Variants in PKD1 observed in about 807,000 individuals in gnomAD.
PKD1 encodes the protein polycystin-1.
PKD1 carries 81 observed loss-of-function variants against 361.7 expected under a neutral mutation model. The ratio of observed to expected loss-of-function variants is 0.22; its 90% CI spans 0.19 to 0.27. The LOEUF is 0.27. Ranked by LOEUF, PKD1 falls within the 10% of genes least tolerant of loss-of-function variation. The pLI, the probability that PKD1 is intolerant of heterozygous loss-of-function variation, is 1.00. For synonymous variants in PKD1, 3,615 were observed against 2,818.3 expected (o/e 1.28, Z -8.95); for missense variants, 6,399 against 6,118.3 (o/e 1.05, Z -1.53).
rs371767717 is a variant in PKD1 at position 2,108,989 on chromosome 16, C to T, written c.6178G>A (p.Ala2060Thr). The change falls in exon 15 of 46, where the codon GCC (alanine) becomes ACC (threonine). Residue 2060 changes from alanine (A) to threonine (T), a missense_variant. Coordinates refer to ENST00000262304, the MANE Select transcript of PKD1 (RefSeq NM_001009944.3). ...CTCTGCAGGGCCACATACTGGACGG[C>T]GTCCTGAACCTCCAGCACCAGCGTG... The part of the protein sequence containing the change: ...NRTLVLEVQD[A>T]VQYVALQSGP... 19 of 1,610,162 alleles carry T rather than the reference C, an allele frequency of 1.2e-5. No individual in the cohort carries two copies. Among genetic ancestry groups the T allele is most frequent in the South Asian group, 3.3e-5 (3 of 90,960 alleles).
intron 7 of PKD1, 82 bp from the exon 8 acceptor site, chr16:2,116,726 A>G (rs1214425692): frequency 6.0e-6 from 7 of 1,174,960 alleles, no homozygotes; most frequent in African/African-American, 1.5e-5. Flanking sequence ...AGCCGCCCGA[A>G]AACCCCCCCA....
Position 2,111,810 on chromosome 16 carries a change from A to C in PKD1, c.3357T>G (p.Pro1119=), listed in dbSNP as rs1182319568. 6.2e-7 allele frequency: 1 copy of C among 1,609,908 alleles called. No homozygotes were observed. The highest frequency in any genetic ancestry group is 8.5e-7 in the Non-Finnish European group (1 of 1,179,370). Residue 1119 remains proline (P), a synonymous_variant, in exon 15 of 46, where the codon CCT becomes CCG. Transcript: ENST00000262304. ...AGGGCAGGGAGGCGCGCACGCTCACAGGCACCTGCTGCGTCAGGTTCTCGA... is the reference window on the plus strand; with the variant it reads ...AGGGCAGGGAGGCGCGCACGCTCACCGGCACCTGCTGCGTCAGGTTCTCGA... ...NAFENLTQQV[P]VSVRASLPSV...
chr16:2,091,977 G>C, intron 40 of PKD1, 70 bp downstream of exon 40: 2 of 1,612,042 alleles, frequency 1.2e-6, no homozygotes, highest in South Asian at 2.2e-5. Context: ...CTGGTCAGGA[G>C]GCCGCGGCAC....
Position 2,111,687 on chromosome 16 carries a change from C to A in PKD1, c.3480G>T (p.Thr1160=), listed in dbSNP as rs151026121. 304 of 1,580,924 alleles carry A rather than the reference C, an allele frequency of 1.9e-4. No individual in the cohort carries two copies. In the African/African-American group the frequency reaches 3.6e-3, roughly 19 times the overall value. ...CAGGGGAGCCGTCCCCGAAGTCCCA[C>A]GTGTAAAGAACACCCCCAGGCGAGG... The part of the protein sequence containing the change: ...PLPSPGGVLY[T]WDFGDGSPVL... Residue 1160 remains threonine (T), a synonymous_variant, in exon 15 of 46, where the codon ACG becomes ACT. Coordinates refer to ENST00000262304, the MANE Select transcript of PKD1 (RefSeq NM_001009944.3).
chr16:2,095,359 G>C (rs1045907619), intron 34 of PKD1: 2 of 152,182 alleles, frequency 1.3e-5, no homozygotes, highest in African/African-American at 2.4e-5. Context: ...TTTGCAGTGA[G>C]CCGAGATCAT....
intron 11 of PKD1, among the ~76,000 whole-genome samples, chr16:2,113,598 G>A (rs949044509): frequency 3.3e-5 from 5 of 152,198 alleles, no homozygotes; most frequent in South Asian, 2.1e-4. Context: ...AGACCCTCCC[G>A]GCGCTCTTGC....
chr16:2,093,124 TG>T (rs2091674472), intron 37 of PKD1, 31 bp from the exon 38 acceptor site: 1 of 1,611,002 alleles, frequency 6.2e-7, no homozygotes, highest in Non-Finnish European at 8.5e-7. Flanking sequence ...GTGGTCAGCC[TG>T]GCCCCAGCCC....
chr16:2,109,863 G>A lies in PKD1; in HGVS notation c.5304C>T (p.Thr1768=). 1.9e-6 allele frequency: 3 copies of A among 1,610,670 alleles called. No homozygotes were observed. Among genetic ancestry groups the A allele is most frequent in the Non-Finnish European group, 2.5e-6 (3 of 1,179,828 alleles). ...GCAGGCCGGGTGTGGGGAAGCTATG[G>A]GTGGTAAATGGCTCGGAGGTCTCCC... is the stretch of plus-strand genomic sequence containing the variant. The part of the protein sequence containing the change: ...LSWETSEPFT[T]HSFPTPGLHL... Residue 1768 remains threonine, a synonymous_variant, in exon 15 of 46, where the codon ACC becomes ACT. Coordinates refer to ENST00000262304, the MANE Select transcript of PKD1 (RefSeq NM_001009944.3).
chr16:2,089,260 A>G lies in PKD1; in HGVS notation c.*467T>C, dbSNP rs1023827234. 1 of 185,212 alleles carries G rather than the reference A, an allele frequency of 5.4e-6. No homozygotes were observed. Among genetic ancestry groups the G allele is most frequent in the Non-Finnish European group, 1.1e-5 (1 of 88,998 alleles). The allele number at this position is 185,212 out of a possible 1,614,324, so 11.5% of individuals were successfully genotyped here. On this transcript the variant is annotated 3_prime_UTR_variant, in exon 46 of 46. Transcript: ENST00000262304. ...AATAGTGACATACAAAAATATACAC[A>G]TTTTAACACCATATAAATTACTGAC...
At position 2,091,419 on chromosome 16, in the gene PKD1, G is replaced by C; in HGVS notation, c.11712+4C>G. 8.6e-7 allele frequency: 1 copy of C among 1,158,630 alleles called. No individual in the cohort carries two copies. Among genetic ancestry groups the C allele is most frequent in the Non-Finnish European group, 1.1e-6 (1 of 939,446 alleles). The allele number at this position is 1,158,630 out of a possible 1,614,324, so 71.8% of individuals were successfully genotyped here. On this transcript the variant is annotated splice_donor_region_variant and intron_variant, in intron 42 of 45. Transcript: ENST00000262304. ...GCGCGGGGTCTGGCCGGGGACGGGC[G>C]TACCGAGGTGAGCAGAGGCAGCGAG...
intron 1 of PKD1, among the ~76,000 whole-genome samples, chr16:2,129,644 C>T (rs2092844554): frequency 6.7e-6 from 1 of 150,014 alleles, no homozygotes; most frequent in South Asian, 2.1e-4. Context: ...TTGACCTCCT[C>T]GGCTCAAGTG....
At chr16:2,127,141 C>T (rs2092809397) in intron 1 of PKD1, among the ~76,000 whole-genome samples, 1 of 152,194 alleles carries the variant, frequency 6.6e-6, no homozygotes, top group Non-Finnish European at 1.5e-5. Flanking sequence ...TGCCCACCAG[C>T]GACAGCGCAC....
chr16:2,115,723 G>T (rs1275566076), intron 9 of PKD1, 98 bp from the exon 10 acceptor site: 12 of 1,226,550 alleles, frequency 9.8e-6, no homozygotes, highest in Non-Finnish European at 1.4e-5. Context: ...TTGCTGTGAG[G>T]ACAGGTCTCC....
At chr16:2,097,292 G>A in intron 33 of PKD1, 27 bp downstream of exon 33, 2 of 1,611,200 alleles carry the variant, frequency 1.2e-6, no homozygotes, top group East Asian at 2.2e-5. Flanking sequence ...GTGAGCTTCA[G>A]AGCCCCCTCC....
In PKD1 at chr16:2,106,876, C is replaced by T. The variant is rs778386729; in HGVS notation, c.7138G>A (p.Glu2380Lys). The T allele has an allele frequency of 5.2e-6, 8 of 1,552,854 alleles. No homozygotes were observed. The highest frequency in any genetic ancestry group is 2.2e-5 in the East Asian group (1 of 44,820). ...TACACGTAGGAGCTGCGGCTCACTT[C>T]GTACACGGCCTGTGCCTTGCAGGAC... ...CVSCKAQAVY[E>K]VSRSSYVYLE... Residue 2380 changes from glutamate (E) to lysine (K), a missense_variant, in exon 17 of 46, where the codon GAA becomes AAA. Transcript: ENST00000262304. The surrounding 1 kb of genome is among the most constrained non-coding windows in gnomAD (Gnocchi z 6.5).
rs79899502 is a variant in PKD1 at position 2,090,320 on chromosome 16, G to A, written c.12409C>T (p.Leu4137=). 0.071 allele frequency: 114,950 copies of A among 1,611,706 alleles called. 4,654 individuals are homozygous for A. Among genetic ancestry groups the A allele is most frequent in the Non-Finnish European group, 0.076 (90,141 of 1,179,274 alleles). ...TTGCTGAGGCCCATCCAGAGGCGCA[G>A]CCTGCGCAGGAACAACTCCACCATC... ...YEMVELFLRR[L]RLWMGLSKVK... The change falls in exon 45 of 46, where the codon CTG becomes TTG. Residue 4137 remains leucine (L), a synonymous_variant. Transcript: ENST00000262304.
chr16:2,100,982 G>GT lies in PKD1; in HGVS notation c.9398-417dup, dbSNP rs2092072404. Among the ~76,000 whole-genome samples, 1 of 152,024 alleles carries GT rather than the reference G, an allele frequency of 6.6e-6. No individual in the cohort carries two copies. The highest frequency in any genetic ancestry group is 2.1e-4 in the South Asian group (1 of 4,818). The stretch of plus-strand genomic sequence containing the variant: ...CTCCCAGTGACAGACCCAGGTGACA[G>GT]TATTTTTTTTCTTTTTTTTTTGAGA... On this transcript the variant is annotated intron_variant, in intron 26 of 45. Coordinates refer to ENST00000262304, the MANE Select transcript of PKD1 (RefSeq NM_001009944.3). This position sits in a 1 kb window ranked among gnomAD's most constrained non-coding sequence, Gnocchi z 4.4.
rs773433966 is a variant in PKD1 at position 2,116,043 on chromosome 16, G to T, written c.1798C>A (p.Arg600=). ...TTAEFGTQEL[R]RPAQLRLQVY... is the part of the protein sequence containing the mutation. ...TGCAGCCGCAGCTGGGCGGGCCGCCGGAGCTCCTGGGTCCCAAATTCGGCC... is the reference window on the plus strand; with the variant it reads ...TGCAGCCGCAGCTGGGCGGGCCGCCTGAGCTCCTGGGTCCCAAATTCGGCC... The change falls in exon 9 of 46, where the codon CGG becomes AGG. Residue 600 remains arginine, a synonymous_variant. Transcript: ENST00000262304. 1.4e-6 allele frequency: 2 copies of T among 1,408,956 alleles called. No individual in the cohort carries two copies. Among genetic ancestry groups the T allele is most frequent in the Non-Finnish European group, 1.9e-6 (2 of 1,053,574 alleles). The allele number at this position is 1,408,956 out of a possible 1,614,324, so 87.3% of individuals were successfully genotyped here. A position where few individuals can be genotyped will look rare whatever the true frequency, so the allele number is the denominator to read the frequency against.
intron 26 of PKD1, chr16:2,101,808 G>C (rs1304954669): frequency 1.7e-6 from 1 of 598,446 alleles, no homozygotes; most frequent in Admixed American, 2.8e-5. Flanking sequence ...TCACTTGTGG[G>C]GCCACGCTAC....
Sources: gnomAD v4.1 joint callset for allele counts (sites outside exome capture counted in the v4.1 genomes callset) on GRCh38, gnomAD v4.1.1 for gene constraint, Gnocchi (gnomAD v3.1) non-coding constraint, MANE v1.5 for transcripts, NCBI Gene and HGNC (gene_info 2026-07-23, HGNC 2026-07-21) for gene names.